The following SCMH1 variants were observed in gnomAD, a reference collection of about 807,000 sequenced individuals.
SCMH1 encodes the protein Scm polycomb group protein homolog 1.
Under a neutral mutation model 70.8 loss-of-function variants are expected in SCMH1, and 37 were observed. The observed-to-expected ratio is 0.52, with a 90% CI of 0.40 to 0.69. The LOEUF is 0.69. SCMH1 is among the 30% of genes least tolerant of loss of function. SCMH1 has a pLI of 0.00. For synonymous variants in SCMH1, 292 were observed against 307.4 expected, an observed-to-expected ratio of 0.95 and a Z score of 0.52; for missense variants, 607 against 827.3, an observed-to-expected ratio of 0.73 and a Z score of 3.27.
chr1:41,162,340 C>T (rs969724671), intron 2 of SCMH1, among the ~76,000 whole-genome samples: 3 of 152,148 alleles, frequency 2.0e-5, no homozygotes, highest in African/African-American at 7.2e-5. Context: ...GGTTCCTAAG[C>T]AGAAAAGGGC....
intron 1 of SCMH1, among the ~76,000 whole-genome samples, chr1:41,191,415 A>C (rs1293900584): frequency 6.6e-6 from 1 of 152,236 alleles, no homozygotes; most frequent in East Asian, 1.9e-4. Flanking sequence ...TAATCTTTAT[A>C]AAAATAAGTC....
intron 11 of SCMH1, among the ~76,000 whole-genome samples, chr1:41,047,932 G>T (rs894620977): frequency 1.1e-4 from 17 of 152,248 alleles, no homozygotes; most frequent in Admixed American, 2.6e-4. Flanking sequence ...ACATAGTAAG[G>T]GTTCAATAAA....
intron 5 of SCMH1, among the ~76,000 whole-genome samples, chr1:41,144,535 T>C (rs1644378835): frequency 6.6e-6 from 1 of 152,188 alleles, no homozygotes; most frequent in South Asian, 2.1e-4. Context: ...TTCCTCTTTT[T>C]GGCTATTATG....
intron 8 of SCMH1, among the ~76,000 whole-genome samples, chr1:41,104,898 G>A (rs1267863806): frequency 6.6e-6 from 1 of 152,072 alleles, no homozygotes; most frequent in African/African-American, 2.4e-5. Flanking sequence ...TTAGTGCCCT[G>A]TGCCACTCTT....
At chr1:41,125,033 T>C (rs1207659461) in intron 6 of SCMH1, among the ~76,000 whole-genome samples, 5 of 152,290 alleles carry the variant, frequency 3.3e-5, no homozygotes, top group South Asian at 2.1e-4. Context: ...TAAGAGGTGA[T>C]TGACAGTGTT....
At chr1:41,096,965 T>C (rs1230669340) in intron 8 of SCMH1, among the ~76,000 whole-genome samples, 3 of 152,226 alleles carry the variant, frequency 2.0e-5, no homozygotes, top group African/African-American at 7.2e-5. Flanking sequence ...TAGTTTTTAA[T>C]CACTCTGGGG....
chr1:41,061,981 T>C (rs1652824784), intron 10 of SCMH1, among the ~76,000 whole-genome samples: 1 of 152,116 alleles, frequency 6.6e-6, no homozygotes, highest in Admixed American at 6.5e-5. Context: ...CCTCACACTT[T>C]AGCCTCTTGA....
chr1:41,205,504 C>A (rs1350677994), intron 1 of SCMH1, among the ~76,000 whole-genome samples: 1 of 152,194 alleles, frequency 6.6e-6, no homozygotes, highest in East Asian at 1.9e-4. Context: ...GGCTGTGAGA[C>A]CCCTGATTTC....
At chr1:41,114,945 G>A (rs1670098811) in intron 7 of SCMH1, among the ~76,000 whole-genome samples, 1 of 152,120 alleles carries the variant, frequency 6.6e-6, no homozygotes, top group Non-Finnish European at 1.5e-5. Context: ...CCCAAAAAGT[G>A]CTGGGATTAC....
At chr1:41,222,329 G>A (rs968782679) in intron 1 of SCMH1, among the ~76,000 whole-genome samples, 2 of 152,154 alleles carry the variant, frequency 1.3e-5, no homozygotes, top group African/African-American at 4.8e-5. Flanking sequence ...AAGTGATAAA[G>A]TGATGTTGGT....
At chr1:41,073,228 T>C (rs1049135647) in intron 9 of SCMH1, among the ~76,000 whole-genome samples, 2 of 152,206 alleles carry the variant, frequency 1.3e-5, no homozygotes, top group Non-Finnish European at 2.9e-5. Context: ...CCTCTAGTTA[T>C]AGGGGCTCAT....
chr1:41,212,774 T>G (rs1657297783), intron 1 of SCMH1, among the ~76,000 whole-genome samples: 1 of 152,228 alleles, frequency 6.6e-6, no homozygotes, highest in Non-Finnish European at 1.5e-5. Context: ...TTAGCTGCAG[T>G]GTTTGCCACT....
intron 2 of SCMH1, among the ~76,000 whole-genome samples, chr1:41,174,527 T>C (rs1646986783): frequency 6.6e-6 from 1 of 152,110 alleles, no homozygotes; most frequent in African/African-American, 2.4e-5. Flanking sequence ...CAGGCAGAAC[T>C]ACAAATGGGC....
chr1:41,132,095 T>C (rs1448779412), intron 6 of SCMH1, among the ~76,000 whole-genome samples: 1 of 152,240 alleles, frequency 6.6e-6, no homozygotes, highest in African/African-American at 2.4e-5. Context: ...ATGGTATTTC[T>C]AGTTCTAGAT....
At chr1:41,092,441 A>T (rs1305162748) in intron 8 of SCMH1, among the ~76,000 whole-genome samples, 1 of 152,232 alleles carries the variant, frequency 6.6e-6, no homozygotes, top group South Asian at 2.1e-4. Context: ...CCTAGGCAAT[A>T]CCATTCAGGA....
intron 10 of SCMH1, among the ~76,000 whole-genome samples, chr1:41,055,790 CAAG>C (rs994176773): frequency 3.6e-4 from 55 of 152,242 alleles, no homozygotes; most frequent in African/African-American, 1.2e-3. Context: ...GTCGTCGGGA[CAAG>C]AAGAACCACA....
chr1:41,182,107 C>T (rs1648958347), intron 2 of SCMH1, among the ~76,000 whole-genome samples: 1 of 152,052 alleles, frequency 6.6e-6, no homozygotes, highest in Non-Finnish European at 1.5e-5. Context: ...GGACAAAAAA[C>T]CAAACACCGC....
chr1:41,088,961 C>A (rs896938284), intron 8 of SCMH1, among the ~76,000 whole-genome samples: 2 of 152,196 alleles, frequency 1.3e-5, no homozygotes, highest in African/African-American at 4.8e-5. Flanking sequence ...TGTCTACACT[C>A]TAGTCCTTAG....
At chr1:41,196,893 A>G (rs1167898981) in intron 1 of SCMH1, among the ~76,000 whole-genome samples, 1 of 152,234 alleles carries the variant, frequency 6.6e-6, no homozygotes, top group Non-Finnish European at 1.5e-5. Flanking sequence ...AAAAATGGGC[A>G]AAAGACAATT....
Sources: allele counts gnomAD v4.1 joint callset (sites outside exome capture counted in the v4.1 genomes callset), GRCh38; gene constraint gnomAD v4.1.1; transcripts MANE v1.5; gene names NCBI Gene and HGNC (gene_info 2026-07-23, HGNC 2026-07-21).